UPRT: variants seen among roughly 807,000 people sequenced by gnomAD.
UPRT encodes the protein RP11-311P8.3.
UPRT carries 5 observed loss-of-function variants against 22.6 expected under a neutral mutation model. The observed-to-expected ratio is 0.22, with a 90% CI of 0.12 to 0.47. The LOEUF (loss-of-function observed/expected upper bound fraction) is 0.47, where lower values mean the gene tolerates loss of function less well. UPRT is among the 20% of genes least tolerant of loss of function. UPRT has a pLI of 0.99. For synonymous variants in UPRT, 77 were observed against 87.7 expected (o/e 0.88, Z 0.68); for missense variants, 181 against 239.9 (o/e 0.75, Z 1.62).
In UPRT at chrX:75,199,272, CCCTT is replaced by C. The variant is rs1173606130; in HGVS notation, c.-447+31400_-447+31403del. On this transcript the variant is annotated intron_variant, in intron 4 of 13. Coordinates refer to the UPRT transcript ENST00000652605. ...CACAGCTTGTGGCTCCAAAAGAGAC[CCCTT>C]CCTTCCACTTGAGGAGAGAAGGAAG... Among the ~76,000 whole-genome samples the C allele has an allele frequency of 2.7e-5, 3 of 111,653 alleles. No homozygotes were observed. In the East Asian group the frequency reaches 8.5e-4, roughly 32 times the overall value.
intron 3 of UPRT, among the ~76,000 whole-genome samples, chrX:75,166,756 C>G (rs187008341): frequency 1.0e-3 from 113 of 112,300 alleles, no homozygotes; most frequent in Non-Finnish European, 8.6e-4. Flanking sequence ...CTCTTCTCCA[C>G]AAAAGAAAAC....
At chrX:75,230,368 C>T (rs1032412049) in intron 4 of UPRT, among the ~76,000 whole-genome samples, 14 of 111,123 alleles carry the variant, frequency 1.3e-4, no homozygotes, top group African/African-American at 4.3e-4. Flanking sequence ...CTATTGGGAG[C>T]TGTATGGCCC....
chrX:75,271,694 C>T (rs2082608515), upstream of UPRT, among the ~76,000 whole-genome samples: 1 of 111,931 alleles, frequency 8.9e-6, no homozygotes, highest in South Asian at 3.7e-4. Context: ...GAACAGTCAG[C>T]AGAGTAAACA....
intron 4 of UPRT, among the ~76,000 whole-genome samples, chrX:75,235,716 A>T (rs2082459729): frequency 8.9e-6 from 1 of 111,984 alleles, no homozygotes; most frequent in South Asian, 3.8e-4. Flanking sequence ...ATCTCAATAG[A>T]TGCAGAAAAG....
chrX:75,255,828 T>C (rs181283140), intron 4 of UPRT, among the ~76,000 whole-genome samples: 2 of 111,828 alleles, frequency 1.8e-5, no homozygotes, highest in East Asian at 5.6e-4. Context: ...CCTAAACATA[T>C]ATGCACTTAA....
chrX:75,227,820 A>G (rs1379688614), intron 4 of UPRT, among the ~76,000 whole-genome samples: 1 of 112,772 alleles, frequency 8.9e-6, no homozygotes, highest in Admixed American at 9.4e-5. Flanking sequence ...TCATTTTAAC[A>G]AATCAAAGCC....
At position 75,158,756 on chromosome X, in the gene UPRT, G is replaced by A. The variant is rs188694910; in HGVS notation, c.-736-1794G>A. On this transcript the variant is annotated intron_variant, in intron 1 of 13. Coordinates refer to the UPRT transcript ENST00000652605. ...CCCCTCTACCAGGAATATCTTTCCT[G>A]TAGATTTTTAAATGACTTTTTCTTA... 5.4e-5 allele frequency among the ~76,000 whole-genome samples: 6 copies of A among 111,818 alleles called. No homozygotes were observed. The East Asian group carries it at 1.7e-3, about 32-fold the overall frequency.
At chrX:75,268,387 A>T (rs2082597392) in intron 4 of UPRT, among the ~76,000 whole-genome samples, 1 of 110,544 alleles carries the variant, frequency 9.0e-6, no homozygotes, top group Non-Finnish European at 1.9e-5. Context: ...AAAAAGAGGA[A>T]TTCCTCCCTA....
At chrX:75,264,860 T>C (rs1472946170) in intron 4 of UPRT, among the ~76,000 whole-genome samples, 1 of 112,194 alleles carries the variant, frequency 8.9e-6, no homozygotes, top group East Asian at 2.8e-4. Flanking sequence ...TCAGGAGCTC[T>C]TTTAGGGCAG....
At chrX:75,232,783 T>G (rs780288070) in intron 4 of UPRT, among the ~76,000 whole-genome samples, 1 of 111,960 alleles carries the variant, frequency 8.9e-6, no homozygotes, top group African/African-American at 3.2e-5. Flanking sequence ...AAAACCCATC[T>G]GTACATCACC....
At chrX:75,244,538 G>A (rs973663761) in intron 4 of UPRT, among the ~76,000 whole-genome samples, 1 of 111,577 alleles carries the variant, frequency 9.0e-6, no homozygotes, top group African/African-American at 3.3e-5. Flanking sequence ...AACCAAAATA[G>A]CATGATACTG....
chrX:75,260,578 T>C lies in UPRT; in HGVS notation c.-446-30446T>C, dbSNP rs1239812868. ...CTATTTTAAATATATATGCACTGAA[T>C]ACAGGAGCACCCAGATTCATAAAGC... is the stretch of plus-strand genomic sequence containing the variant. On this transcript the variant is annotated intron_variant, in intron 4 of 13. Transcript: ENST00000652605. 2.7e-5 allele frequency among the ~76,000 whole-genome samples: 3 copies of C among 112,239 alleles called. No individual in the cohort carries two copies. In the Admixed American group the frequency reaches 2.8e-4, roughly 11 times the overall value.
chrX:75,216,278 T>A (rs1243629505), intron 4 of UPRT, among the ~76,000 whole-genome samples: 1 of 112,236 alleles, frequency 8.9e-6, no homozygotes, highest in East Asian at 2.8e-4. Flanking sequence ...TCATATTCAA[T>A]AAGCACAGAA....
chrX:75,221,333 C>A (rs770448236), intron 4 of UPRT, among the ~76,000 whole-genome samples: 2 of 110,339 alleles, frequency 1.8e-5, no homozygotes, highest in African/African-American at 6.6e-5. Context: ...TGTTCTATAA[C>A]CTTCTTGTAC....
chrX:75,181,153 C>A (rs1423970083), intron 4 of UPRT, among the ~76,000 whole-genome samples: 1 of 110,585 alleles, frequency 9.0e-6, no homozygotes, highest in African/African-American at 3.3e-5. Context: ...TGTCAAAAAT[C>A]AGATTGGTGT....
At chrX:75,222,029 A>C (rs1256657536) in intron 4 of UPRT, among the ~76,000 whole-genome samples, 1 of 111,967 alleles carries the variant, frequency 8.9e-6, no homozygotes, top group East Asian at 2.8e-4. Flanking sequence ...CACTGCTTCT[A>C]TATCTGCATT....
intron 1 of UPRT, among the ~76,000 whole-genome samples, chrX:75,280,328 G>A (rs1001048930): frequency 7.2e-5 from 8 of 111,597 alleles, no homozygotes; most frequent in African/African-American, 2.3e-4. Flanking sequence ...TTGCTTTTGT[G>A]TTCCTGGTCA....
intron 4 of UPRT, among the ~76,000 whole-genome samples, chrX:75,202,288 A>G (rs1371432520): frequency 9.0e-6 from 1 of 111,141 alleles, no homozygotes; most frequent in Non-Finnish European, 1.9e-5. Context: ...CTATCCATGA[A>G]GTGGTACAGT....
At chrX:75,212,526 C>T (rs2082382755) in intron 4 of UPRT, among the ~76,000 whole-genome samples, 1 of 111,930 alleles carries the variant, frequency 8.9e-6, no homozygotes, top group Admixed American at 9.5e-5. Flanking sequence ...ATAGGGAAGA[C>T]ATGGAATCAA....
Sources: allele counts gnomAD v4.1 joint callset (sites outside exome capture counted in the v4.1 genomes callset), GRCh38; gene constraint gnomAD v4.1.1; transcripts MANE v1.5; gene names NCBI Gene and HGNC (gene_info 2026-07-23, HGNC 2026-07-21).